Variants in SCAPER observed in about 807,000 individuals in gnomAD.
The protein encoded by SCAPER is S-phase cyclin A associated protein in the ER.
Under a neutral mutation model 182.2 loss-of-function variants are expected in SCAPER, and 98 were observed. The ratio of observed to expected loss-of-function variants is 0.54; its 90% CI spans 0.46 to 0.64. The LOEUF is 0.64. Ranked by LOEUF, SCAPER falls within the 30% of genes least tolerant of loss-of-function variation. The pLI is 0.00. For synonymous variants in SCAPER, 605 were observed against 564.6 expected (o/e 1.07, Z -1.01); for missense variants, 1,432 against 1,690.0 (o/e 0.85, Z 2.68).
intron 15 of SCAPER, among the ~76,000 whole-genome samples, chr15:76,740,143 G>A (rs1567980103): frequency 6.6e-6 from 1 of 152,212 alleles, no homozygotes; most frequent in South Asian, 2.1e-4. Context: ...TTCAGCCTGG[G>A]TGATAAGAGT....
chr15:76,721,717 G>A (rs1375607168), intron 17 of SCAPER, among the ~76,000 whole-genome samples: 6 of 151,792 alleles, frequency 4.0e-5, no homozygotes, highest in Non-Finnish European at 2.9e-5. Context: ...TCATGATTTG[G>A]CTCTCTGTTT....
intron 25 of SCAPER, among the ~76,000 whole-genome samples, chr15:76,457,895 T>C (rs1303074800): frequency 2.0e-5 from 3 of 152,168 alleles, no homozygotes; most frequent in African/African-American, 7.2e-5. Flanking sequence ...AAATTTTCAC[T>C]GGGTATCATT....
chr15:76,542,562 A>G (rs544008367), intron 23 of SCAPER, among the ~76,000 whole-genome samples: 1 of 150,332 alleles, frequency 6.7e-6, no homozygotes, highest in East Asian at 1.9e-4. Context: ...ATAAAATAAA[A>G]TAAAATAAAA....
chr15:76,742,466 TAAAAAAAAAAAAAAAAAA>T (rs55751202), intron 15 of SCAPER, among the ~76,000 whole-genome samples: 26 of 37,028 alleles, frequency 7.0e-4, no homozygotes, highest in African/African-American at 2.0e-4. Context: ...TGTCTTTTCC[TAAAAAAAAAAAAAAAAAA>T]AAAAAAAAAA....
chr15:76,535,316 G>T (rs917226840), intron 23 of SCAPER, among the ~76,000 whole-genome samples: 24 of 151,990 alleles, frequency 1.6e-4, no homozygotes, highest in Non-Finnish European at 2.9e-4. Context: ...AAGGTCAGGA[G>T]ATCGAGACCA....
intron 14 of SCAPER, among the ~76,000 whole-genome samples, chr15:76,759,525 T>C (rs537030989): frequency 6.6e-6 from 1 of 152,262 alleles, no homozygotes; most frequent in South Asian, 2.1e-4. Context: ...AATCTCCTCC[T>C]AAAGAACCCA....
In SCAPER at chr15:76,371,208, T is replaced by TA. The variant is rs1177151664; in HGVS notation, c.3855+4953dup. Among the ~76,000 whole-genome samples, 8 of 152,166 alleles carry TA rather than the reference T, an allele frequency of 5.3e-5. No homozygotes were observed. In the East Asian group the frequency reaches 1.5e-3, roughly 29 times the overall value. On this transcript the variant is annotated intron_variant, in intron 29 of 31. Coordinates refer to ENST00000563290, the MANE Select transcript of SCAPER (RefSeq NM_020843.4). ...GTGAGGTAAGAATAATTCCTGTACT[T>TA]ACAGCCTCACTAAAGTGCTACTGAG... is the stretch of plus-strand genomic sequence containing the variant.
At chr15:76,807,611 C>T (rs1425006355) in intron 5 of SCAPER, among the ~76,000 whole-genome samples, 1 of 151,410 alleles carries the variant, frequency 6.6e-6, no homozygotes, top group Admixed American at 6.6e-5. Context: ...TATACATGTG[C>T]CATGCTGGTG....
intron 26 of SCAPER, among the ~76,000 whole-genome samples, chr15:76,423,715 G>T (rs113117595): frequency 3.9e-5 from 6 of 152,132 alleles, no homozygotes; most frequent in South Asian, 2.1e-4. Context: ...TGATGTTAGG[G>T]TGTCAATTTT....
intron 27 of SCAPER, chr15:76,385,266 C>A (rs1296243535): frequency 6.6e-6 from 1 of 152,208 alleles, no homozygotes; most frequent in Non-Finnish European, 1.5e-5. Flanking sequence ...ATACACTGGG[C>A]CTTAGTTGGC....
At chr15:76,375,825 A>T (rs965707336) in intron 29 of SCAPER, among the ~76,000 whole-genome samples, 3 of 152,160 alleles carry the variant, frequency 2.0e-5, no homozygotes, top group Admixed American at 2.0e-4. Context: ...CTCTACTAAA[A>T]ATACAAAAAA....
At chr15:76,768,452 A>G (rs2063239626) in intron 10 of SCAPER, among the ~76,000 whole-genome samples, 1 of 152,210 alleles carries the variant, frequency 6.6e-6, no homozygotes, top group Non-Finnish European at 1.5e-5. Flanking sequence ...ATGACCACAT[A>G]TTGCATTTCA....
chr15:76,360,822 T>C (rs2041355812), intron 29 of SCAPER, among the ~76,000 whole-genome samples: 1 of 152,198 alleles, frequency 6.6e-6, no homozygotes, highest in South Asian at 2.1e-4. Flanking sequence ...GTGATGGGAC[T>C]AGATTCTCAG....
chr15:76,705,058 A>G (rs2059174809), intron 18 of SCAPER, among the ~76,000 whole-genome samples: 1 of 152,154 alleles, frequency 6.6e-6, no homozygotes, highest in South Asian at 2.1e-4. Flanking sequence ...ATATACCCAA[A>G]GGACTATAAA....
rs546082129 is a variant in SCAPER, at chr15:76,702,150, G to C, written c.2401-285C>G. ...TGCACTCCAGCTTGGGTGACAAAGC[G>C]ATACTCCATCTCAAAACAAAACAAA... On this transcript the variant is annotated intron_variant, in intron 19 of 31. Transcript: ENST00000563290. Among the ~76,000 whole-genome samples the C allele has an allele frequency of 1.4e-3, 214 of 150,976 alleles. 1 individual carries two copies. Among genetic ancestry groups the C allele is most frequent in the African/African-American group, 4.7e-3 (195 of 41,420 alleles).
intron 14 of SCAPER, among the ~76,000 whole-genome samples, chr15:76,756,041 G>A (rs759775293): frequency 1.3e-5 from 2 of 151,980 alleles, no homozygotes; most frequent in African/African-American, 4.8e-5. Context: ...TCCGGAGTTC[G>A]AGACCAGCCT....
At chr15:76,854,845 G>A (rs189141576) in intron 4 of SCAPER, among the ~76,000 whole-genome samples, 1 of 150,780 alleles carries the variant, frequency 6.6e-6, no homozygotes, top group Non-Finnish European at 1.5e-5. Flanking sequence ...GGTTGCAGGT[G>A]CCTGTAGTCC....
At chr15:76,423,265 C>G (rs991545223) in intron 26 of SCAPER, among the ~76,000 whole-genome samples, 14 of 151,932 alleles carry the variant, frequency 9.2e-5, no homozygotes, top group Non-Finnish European at 1.5e-4. Context: ...TTTTTTGGTT[C>G]GTAGGCTATT....
At chr15:76,845,182 T>A (rs1386080286) in intron 4 of SCAPER, among the ~76,000 whole-genome samples, 2 of 152,076 alleles carry the variant, frequency 1.3e-5, no homozygotes, top group Non-Finnish European at 2.9e-5. Context: ...CCCTTCATGA[T>A]AAAAACCCTC....
Sources: gnomAD v4.1 joint callset for allele counts (sites outside exome capture counted in the v4.1 genomes callset) on GRCh38, gnomAD v4.1.1 for gene constraint, MANE v1.5 for transcripts, NCBI Gene and HGNC (gene_info 2026-07-23, HGNC 2026-07-21) for gene names.